Variants in NOS1 observed in about 807,000 individuals in gnomAD.
The protein encoded by NOS1 is nitric oxide synthase 1.
NOS1 carries 51 observed loss-of-function variants against 164.5 expected under a neutral mutation model. The observed-to-expected ratio is 0.31, with a 90% CI of 0.25 to 0.39. The LOEUF is 0.39. Ranked by LOEUF, NOS1 falls within the 10% of genes least tolerant of loss-of-function variation. The pLI is 1.00. For missense variants in NOS1, 1,362 were observed against 1,885.6 expected, an observed-to-expected ratio of 0.72 and a Z score of 5.14; for synonymous variants, 719 against 745.8, an observed-to-expected ratio of 0.96 and a Z score of 0.59.
chr12:117,332,396 A>C (rs1237336882), intron 1 of NOS1, among the ~76,000 whole-genome samples: 3 of 152,128 alleles, frequency 2.0e-5, no homozygotes, highest in Admixed American at 2.0e-4. Context: ...TTTGACCTGG[A>C]GCCTGAGCTT....
chr12:117,226,952 G>A (rs1053897870), intron 23 of NOS1, among the ~76,000 whole-genome samples, 182 bp from the exon 24 acceptor site: 2 of 152,132 alleles, frequency 1.3e-5, no homozygotes, highest in Non-Finnish European at 2.9e-5. Context: ...TCGTGCCTGT[G>A]CAACCACCCA....
intron 3 of NOS1, among the ~76,000 whole-genome samples, chr12:117,293,916 G>A (rs1164413577): frequency 1.4e-4 from 21 of 151,970 alleles, no homozygotes; most frequent in African/African-American, 2.4e-5. Context: ...TTGTTCAAAC[G>A]TCTGGCCAGG....
chr12:117,336,362 C>T (rs1305500855), intron 1 of NOS1, among the ~76,000 whole-genome samples: 3 of 152,182 alleles, frequency 2.0e-5, no homozygotes, highest in African/African-American at 7.2e-5. Flanking sequence ...AACGAGAAAA[C>T]AGAGGCCTGG....
At chr12:117,245,883 A>T (rs1870579361) in intron 18 of NOS1, 1 of 152,324 alleles carries the variant, frequency 6.6e-6, no homozygotes, top group Admixed American at 6.5e-5. Context: ...GTGTCACTGC[A>T]CTCCAGCCTG....
intron 1 of NOS1, among the ~76,000 whole-genome samples, chr12:117,337,412 G>A (rs927924792): frequency 2.6e-5 from 4 of 152,074 alleles, no homozygotes; most frequent in Admixed American, 6.6e-5. Flanking sequence ...CACCGTGCCC[G>A]GCCGCGCTTT....
rs1202286172 is a variant in NOS1 at position 117,330,397 on chromosome 12, C to T, written c.673G>A (p.Gly225Arg). 1 of 1,614,192 alleles carries T rather than the reference C, an allele frequency of 6.2e-7. No individual in the cohort carries two copies. Among genetic ancestry groups the T allele is most frequent in the South Asian group, 1.1e-5 (1 of 91,090 alleles). ...LLTSGSRGVK[G>R]GAPAKAEMKD... ...ATCTCTGCCTTGGCAGGTGCCCCTC[C>T]CTTGACCCCTCTGCTCCCACTGGTG... Residue 225 changes from glycine (G) to arginine (R), a missense_variant, in exon 2 of 29, where the codon GGA becomes AGA. Physicochemically the swap from Gly to Arg is moderately radical, Grantham distance 125. This residue lies in a region of NOS1 where 362 missense variants were observed against 402.0 expected (regional missense o/e 0.90). Transcript: ENST00000317775. The surrounding 1 kb of genome is among the most constrained non-coding windows in gnomAD (Gnocchi z 4.6).
chr12:117,320,198 T>C (rs557010657), intron 2 of NOS1, among the ~76,000 whole-genome samples: 2 of 152,308 alleles, frequency 1.3e-5, no homozygotes, highest in South Asian at 4.1e-4. Context: ...AACCTGTATA[T>C]GTTTCCTTAG....
chr12:117,344,900 G>A (rs1387288724), intron 1 of NOS1, among the ~76,000 whole-genome samples: 1 of 152,196 alleles, frequency 6.6e-6, no homozygotes, highest in African/African-American at 2.4e-5. Context: ...TTTTGGAGAT[G>A]AGGAGCTACA....
At chr12:117,232,212 AGAG>A (rs1381880605) in intron 21 of NOS1, 81 bp from the exon 22 acceptor site, 3 of 1,350,744 alleles carry the variant, frequency 2.2e-6, no homozygotes, top group Non-Finnish European at 3.1e-6. Context: ...CTCCTGGAGC[AGAG>A]GATGGGGCCA....
intron 3 of NOS1, among the ~76,000 whole-genome samples, chr12:117,310,821 A>G (rs923993932): frequency 1.9e-4 from 29 of 151,846 alleles, no homozygotes; most frequent in Admixed American, 1.9e-3. Context: ...AATTAAAAAA[A>G]AATTTTTTTT....
At chr12:117,277,003 G>A (rs771102756) in intron 9 of NOS1, among the ~76,000 whole-genome samples, 14 of 152,174 alleles carry the variant, frequency 9.2e-5, no homozygotes, top group Non-Finnish European at 1.5e-5. Flanking sequence ...TATATACCCA[G>A]CAGTGGGATT....
At chr12:117,307,126 A>G (rs1593010215) in intron 3 of NOS1, among the ~76,000 whole-genome samples, 1 of 152,156 alleles carries the variant, frequency 6.6e-6, no homozygotes, top group Non-Finnish European at 1.5e-5. Flanking sequence ...AGATTTCTGC[A>G]TTGACTTTTA....
intron 17 of NOS1, among the ~76,000 whole-genome samples, 184 bp downstream of exon 17, chr12:117,253,454 C>T (rs377204328): frequency 3.3e-5 from 5 of 151,860 alleles, no homozygotes; most frequent in South Asian, 2.1e-4. Flanking sequence ...AAATGGTGCA[C>T]GGGGAGACCA....
chr12:117,278,175 T>TG, intron 8 of NOS1, 77 bp from the exon 9 acceptor site: 1 of 1,474,466 alleles, frequency 6.8e-7, no homozygotes, highest in South Asian at 1.4e-5. Flanking sequence ...GAAGCGGGGG[T>TG]GGGGTGGATA....
intron 1 of NOS1, among the ~76,000 whole-genome samples, chr12:117,337,374 C>T (rs568575153): frequency 6.6e-6 from 1 of 152,098 alleles, no homozygotes; most frequent in Non-Finnish European, 1.5e-5. Context: ...CCTTGGCCTC[C>T]CAAAGTGCTG....
chr12:117,260,002 C>T (rs1871759487), intron 14 of NOS1, among the ~76,000 whole-genome samples: 1 of 151,834 alleles, frequency 6.6e-6, no homozygotes, highest in Non-Finnish European at 1.5e-5. Flanking sequence ...GCCTGCAGTC[C>T]CAGCTACTCG....
intron 10 of NOS1, among the ~76,000 whole-genome samples, chr12:117,269,247 C>T (rs1171137582): frequency 6.6e-6 from 1 of 151,974 alleles, no homozygotes; most frequent in African/African-American, 2.4e-5. Flanking sequence ...GTGCTCTAGG[C>T]AGAGGGGGCA....
intron 7 of NOS1, among the ~76,000 whole-genome samples, chr12:117,284,894 A>T (rs562484892): frequency 6.6e-6 from 1 of 150,452 alleles, no homozygotes; most frequent in African/African-American, 2.5e-5. Context: ...TACTAAAAAT[A>T]AAAAAAATTA....
At chr12:117,273,556 A>C (rs190786180) in intron 9 of NOS1, among the ~76,000 whole-genome samples, 2 of 152,284 alleles carry the variant, frequency 1.3e-5, no homozygotes, top group Non-Finnish European at 2.9e-5. Context: ...CCCCCTCTTA[A>C]GTTTACTTTT....
Sources: gnomAD v4.1 joint callset for allele counts (sites outside exome capture counted in the v4.1 genomes callset) on GRCh38, gnomAD v4.1.1 for gene constraint, gnomAD v4.1.1 regional missense constraint, Gnocchi (gnomAD v3.1) non-coding constraint, MANE v1.5 for transcripts, NCBI Gene and HGNC (gene_info 2026-07-23, HGNC 2026-07-21) for gene names.